KCNMB2: variants seen among roughly 807,000 people sequenced by gnomAD.
The protein encoded by KCNMB2 is potassium calcium-activated channel subfamily M regulatory beta subunit 2.
A neutral mutation model predicts 24.5 loss-of-function variants in KCNMB2; 9 were observed. The ratio of observed to expected loss-of-function variants is 0.37; its 90% CI spans 0.22 to 0.64. KCNMB2 has a LOEUF of 0.64. Among genes scored for constraint, KCNMB2 ranks in the 30% least tolerant of loss-of-function variants. The probability of loss-of-function intolerance (pLI) is 0.63; values close to 1 mark genes in which losing one functional copy is unlikely to be tolerated. For missense variants in KCNMB2, 226 were observed against 284.3 expected, an observed-to-expected ratio of 0.79 and a Z score of 1.47; for synonymous variants, 109 against 104.4, an observed-to-expected ratio of 1.04 and a Z score of -0.27.
At chr3:178,654,734 C>T (rs571306916) in intron 1 of KCNMB2, among the ~76,000 whole-genome samples, 5 of 151,970 alleles carry the variant, frequency 3.3e-5, no homozygotes, top group Non-Finnish European at 5.9e-5. Context: ...ACACAAGAGG[C>T]GAGGACATTT....
intron 1 of KCNMB2, among the ~76,000 whole-genome samples, chr3:178,783,987 G>A (rs1035146466): frequency 2.6e-5 from 4 of 152,136 alleles, no homozygotes; most frequent in Non-Finnish European, 5.9e-5. Flanking sequence ...AATTTATTGA[G>A]ATTTTTTAGC....
At chr3:178,543,494 A>T (rs973962923) in intron 1 of KCNMB2, among the ~76,000 whole-genome samples, 1 of 152,228 alleles carries the variant, frequency 6.6e-6, no homozygotes, top group African/African-American at 2.4e-5. Context: ...TAACCTCATC[A>T]GTTACTCTAG....
chr3:178,557,174 G>C (rs967407527), intron 1 of KCNMB2, among the ~76,000 whole-genome samples: 28 of 152,120 alleles, frequency 1.8e-4, no homozygotes, highest in Non-Finnish European at 1.9e-4. Flanking sequence ...ACCTGGTCCT[G>C]ATTCTGATCA....
intron 1 of KCNMB2, among the ~76,000 whole-genome samples, chr3:178,696,167 A>G (rs527813290): frequency 6.6e-4 from 100 of 152,314 alleles, no homozygotes; most frequent in African/African-American, 2.2e-3. Flanking sequence ...TTATAAAACC[A>G]TAAAAGCTCA....
chr3:178,683,477 TA>T (rs1721346817), intron 1 of KCNMB2, among the ~76,000 whole-genome samples: 1 of 152,118 alleles, frequency 6.6e-6, no homozygotes, highest in Non-Finnish European at 1.5e-5. Flanking sequence ...GAATCTAGGA[TA>T]AAAGTTGAAT....
chr3:178,550,074 T>C (rs932132261), intron 1 of KCNMB2, among the ~76,000 whole-genome samples: 1 of 152,172 alleles, frequency 6.6e-6, no homozygotes, highest in African/African-American at 2.4e-5. Context: ...AAGGAATTGA[T>C]GTCATTCTCA....
intron 1 of KCNMB2, among the ~76,000 whole-genome samples, chr3:178,799,320 A>C (rs1365552294): frequency 1.3e-5 from 2 of 152,196 alleles, no homozygotes; most frequent in Non-Finnish European, 2.9e-5. Context: ...TTGATAAGCA[A>C]ATTCAGTAAA....
intron 1 of KCNMB2, among the ~76,000 whole-genome samples, chr3:178,715,836 C>G (rs940570485): frequency 7.2e-5 from 11 of 152,284 alleles, no homozygotes; most frequent in Admixed American, 1.3e-4. Flanking sequence ...AGGATGACAA[C>G]TAAACCAACC....
intron 1 of KCNMB2, among the ~76,000 whole-genome samples, chr3:178,546,066 T>C (rs1391160262): frequency 1.3e-5 from 2 of 152,180 alleles, no homozygotes; most frequent in African/African-American, 2.4e-5. Context: ...CATTTCTCTG[T>C]TGGAATGAAT....
At chr3:178,797,599 G>A (rs1474364625) in intron 1 of KCNMB2, among the ~76,000 whole-genome samples, 1 of 152,082 alleles carries the variant, frequency 6.6e-6, no homozygotes, top group African/African-American at 2.4e-5. Flanking sequence ...GTGATACATC[G>A]TATAAACAGA....
At chr3:178,820,252 C>T (rs2108462886) in intron 2 of KCNMB2, among the ~76,000 whole-genome samples, 1 of 152,340 alleles carries the variant, frequency 6.6e-6, no homozygotes, top group African/African-American at 2.4e-5. Context: ...GATCCTTTAG[C>T]AAGTTGGCCC....
chr3:178,807,300 A>C, intron 1 of KCNMB2, 43 bp from the exon 2 acceptor site: 4 of 784,240 alleles, frequency 5.1e-6, no homozygotes, highest in Non-Finnish European at 8.6e-6. Context: ...CAATCCACTG[A>C]GAGCTATTTG....
chr3:178,834,115 C>A (rs1447942166), intron 4 of KCNMB2, among the ~76,000 whole-genome samples: 1 of 152,160 alleles, frequency 6.6e-6, no homozygotes, highest in Non-Finnish European at 1.5e-5. Context: ...AAAAAGGAAG[C>A]TATACCCATT....
At chr3:178,642,784 G>A (rs565285510) in intron 1 of KCNMB2, among the ~76,000 whole-genome samples, 1 of 152,236 alleles carries the variant, frequency 6.6e-6, no homozygotes, top group African/African-American at 2.4e-5. Context: ...TGCAAATGCA[G>A]TTGTTGTATC....
intron 1 of KCNMB2, among the ~76,000 whole-genome samples, chr3:178,553,769 A>G (rs1250103185): frequency 6.6e-6 from 1 of 151,986 alleles, no homozygotes; most frequent in Non-Finnish European, 1.5e-5. Flanking sequence ...CAAACTCCCA[A>G]CCTCAAGGGA....
chr3:178,660,856 A>T (rs1375217537), intron 1 of KCNMB2, among the ~76,000 whole-genome samples: 1 of 151,996 alleles, frequency 6.6e-6, no homozygotes, highest in South Asian at 2.1e-4. Context: ...TTCTTCCTAC[A>T]TGGTGATCTA....
intron 1 of KCNMB2, among the ~76,000 whole-genome samples, chr3:178,653,416 CTTTA>C (rs1232989891): frequency 2.6e-5 from 4 of 151,730 alleles, no homozygotes; most frequent in Admixed American, 1.3e-4. Flanking sequence ...AATTCTTATT[CTTTA>C]TTTATTTTCT....
At chr3:178,593,118 T>A (rs1160143914) in intron 1 of KCNMB2, among the ~76,000 whole-genome samples, 2 of 152,096 alleles carry the variant, frequency 1.3e-5, no homozygotes, top group African/African-American at 4.8e-5. Flanking sequence ...TCTCGAGTTT[T>A]AAGTTAACTT....
chr3:178,663,368 T>A (rs1720605092), intron 1 of KCNMB2, among the ~76,000 whole-genome samples: 2 of 152,142 alleles, frequency 1.3e-5, no homozygotes, highest in Admixed American at 1.3e-4. Context: ...AAGTTTGAAC[T>A]GAAGAACTGT....
Sources: allele counts gnomAD v4.1 joint callset (sites outside exome capture counted in the v4.1 genomes callset), GRCh38; gene constraint gnomAD v4.1.1; transcripts MANE v1.5; gene names NCBI Gene and HGNC (gene_info 2026-07-23, HGNC 2026-07-21).